Variants in AGMO observed in about 807,000 individuals in gnomAD.
The protein encoded by AGMO is alkylglycerol monooxygenase.
A neutral mutation model predicts 60.2 loss-of-function variants in AGMO; 75 were observed. The ratio of observed to expected loss-of-function variants is 1.25; its 90% confidence interval spans 1.03 to 1.51. The LOEUF (loss-of-function observed/expected upper bound fraction) is 1.51, where lower values mean the gene tolerates loss of function less well. Ranked by LOEUF, AGMO falls within the 40% of genes most tolerant of loss-of-function variation. AGMO has a pLI of 0.00. For synonymous variants in AGMO, 261 were observed against 177.1 expected (o/e 1.47, Z -3.76); for missense variants, 763 against 525.5 (o/e 1.45, Z -4.42).
intron 12 of AGMO, among the ~76,000 whole-genome samples, chr7:15,332,336 A>G (rs977258639): frequency 6.6e-6 from 1 of 152,136 alleles, no homozygotes; most frequent in Non-Finnish European, 1.5e-5. Context: ...ACTAAATTGC[A>G]AGAAATTGAG....
chr7:15,529,656 C>CTATATACAGAATATATATATAG (rs1554283113), intron 3 of AGMO, among the ~76,000 whole-genome samples: 2 of 27,082 alleles, frequency 7.4e-5, no homozygotes, highest in Non-Finnish European at 1.2e-4. Flanking sequence ...ACTATATATT[C>CTATATACAGAATATATATATAG]TATATATATT....
chr7:15,464,863 G>T (rs1782236886), intron 3 of AGMO, among the ~76,000 whole-genome samples: 1 of 152,146 alleles, frequency 6.6e-6, no homozygotes, highest in South Asian at 2.1e-4. Context: ...AATAACTCTT[G>T]AATAGGAAAT....
At chr7:15,393,632 T>A (rs1357268660) in intron 6 of AGMO, among the ~76,000 whole-genome samples, 5 of 152,196 alleles carry the variant, frequency 3.3e-5, no homozygotes, top group African/African-American at 7.2e-5. Flanking sequence ...GATTTTCTCG[T>A]CAGGGAAACG....
chr7:15,178,466 G>C, the AGMO span, among the ~76,000 whole-genome samples: 9 of 152,148 alleles, frequency 5.9e-5, no homozygotes, highest in Admixed American at 3.3e-4. Context: ...TGGGAATCTA[G>C]TGGTGATGTG....
intron 12 of AGMO, among the ~76,000 whole-genome samples, chr7:15,361,310 C>T (rs1254758494): frequency 6.6e-6 from 1 of 151,128 alleles, no homozygotes; most frequent in Non-Finnish European, 1.5e-5. Flanking sequence ...GAGGCCAAGG[C>T]AGGCGGATCA....
At chr7:15,366,725 G>C (rs1266189358) in intron 10 of AGMO, among the ~76,000 whole-genome samples, 2 of 151,966 alleles carry the variant, frequency 1.3e-5, no homozygotes, top group South Asian at 2.1e-4. Context: ...CAATCTACAT[G>C]CTCATATATA....
At chr7:15,355,597 A>G (rs1392941231) in intron 12 of AGMO, among the ~76,000 whole-genome samples, 2 of 151,982 alleles carry the variant, frequency 1.3e-5, no homozygotes, top group Admixed American at 1.3e-4. Flanking sequence ...GCCTGTATTC[A>G]TAACCCTCCC....
intron 3 of AGMO, among the ~76,000 whole-genome samples, chr7:15,460,025 G>A (rs1220184115): frequency 1.3e-5 from 2 of 151,708 alleles, no homozygotes; most frequent in African/African-American, 4.8e-5. Flanking sequence ...TATGTGTATA[G>A]CAAGTTTACC....
intron 12 of AGMO, among the ~76,000 whole-genome samples, chr7:15,211,267 T>C (rs955312838): frequency 3.3e-5 from 5 of 152,052 alleles, no homozygotes; most frequent in Admixed American, 6.6e-5. Context: ...GAGACTATTA[T>C]GCTACTATTC....
intron 3 of AGMO, among the ~76,000 whole-genome samples, chr7:15,524,357 T>G (rs899639843): frequency 1.3e-5 from 2 of 152,140 alleles, no homozygotes; most frequent in Admixed American, 6.5e-5. Context: ...AGTATAATAA[T>G]TGATTCAGAC....
chr7:15,161,520 T>C, the AGMO span, among the ~76,000 whole-genome samples: 96,298 of 151,016 alleles, frequency 0.64, 30,946 homozygotes, highest in East Asian at 0.73. Context: ...TATGTATTAA[T>C]GCATATATGG....
intron 12 of AGMO, among the ~76,000 whole-genome samples, chr7:15,357,157 G>A (rs983814316): frequency 2.0e-5 from 3 of 149,780 alleles, no homozygotes; most frequent in Non-Finnish European, 4.4e-5. Flanking sequence ...TACTGAAATA[G>A]ATGAGTCAAA....
At chr7:15,354,477 C>CGT (rs1554422763) in intron 12 of AGMO, among the ~76,000 whole-genome samples, 20 of 13,028 alleles carry the variant, frequency 1.5e-3, no homozygotes, top group African/African-American at 1.9e-3. Context: ...TGTATACACA[C>CGT]GTGTGTATAT....
chr7:15,385,928 C>G (rs1358465782), intron 9 of AGMO, among the ~76,000 whole-genome samples: 1 of 152,090 alleles, frequency 6.6e-6, no homozygotes, highest in Non-Finnish European at 1.5e-5. Flanking sequence ...CGCCTGTAAT[C>G]CCAGCACTTT....
chr7:15,532,468 T>TATTTA (rs1784393868), intron 3 of AGMO, among the ~76,000 whole-genome samples: 3 of 152,164 alleles, frequency 2.0e-5, no homozygotes, highest in Admixed American at 6.6e-5. Flanking sequence ...TTAGTTATTG[T>TATTTA]TTTAATTAAA....
At chr7:15,556,808 T>C (rs969686608) in intron 2 of AGMO, among the ~76,000 whole-genome samples, 2 of 152,104 alleles carry the variant, frequency 1.3e-5, no homozygotes, top group African/African-American at 4.8e-5. Context: ...GCAGATTATC[T>C]GCATGATACA....
At chr7:15,442,706 G>A (rs1781591505) in intron 3 of AGMO, among the ~76,000 whole-genome samples, 1 of 152,038 alleles carries the variant, frequency 6.6e-6, no homozygotes, top group Non-Finnish European at 1.5e-5. Flanking sequence ...CACAGACCTA[G>A]GTGAGGACAG....
chr7:15,290,589 G>A (rs939488731), intron 12 of AGMO, among the ~76,000 whole-genome samples: 2 of 152,138 alleles, frequency 1.3e-5, no homozygotes, highest in Admixed American at 1.3e-4. Context: ...AAGGAACAGG[G>A]ACTGGGCCTA....
chr7:15,267,645 G>A (rs1783472674), intron 12 of AGMO, among the ~76,000 whole-genome samples: 1 of 151,810 alleles, frequency 6.6e-6, no homozygotes, highest in Non-Finnish European at 1.5e-5. Context: ...TCAATTAGTA[G>A]GGCACACAGC....
Sources: gnomAD v4.1 joint callset for allele counts (sites outside exome capture counted in the v4.1 genomes callset) on GRCh38, gnomAD v4.1.1 for gene constraint, MANE v1.5 for transcripts, NCBI Gene and HGNC (gene_info 2026-07-23, HGNC 2026-07-21) for gene names.